Variants in KALRN observed in about 807,000 individuals in gnomAD.
The protein encoded by KALRN is kalirin RhoGEF kinase, also known as kalirin.
In KALRN, 70 loss-of-function variants were observed where a neutral mutation model predicts 353.7. The observed-to-expected ratio is 0.20, with a 90% confidence interval of 0.16 to 0.24. KALRN has a LOEUF of 0.24. Ranked by LOEUF, KALRN falls within the 10% of genes least tolerant of loss-of-function variation. The pLI is 1.00. For synonymous variants in KALRN, 1,391 were observed against 1,434.8 expected, an observed-to-expected ratio of 0.97 and a Z score of 0.69; for missense variants, 2,791 against 3,756.7, an observed-to-expected ratio of 0.74 and a Z score of 6.72.
intron 1 of KALRN, among the ~76,000 whole-genome samples, chr3:124,148,262 T>C (rs978000117): frequency 1.3e-5 from 2 of 152,186 alleles, no homozygotes; most frequent in Non-Finnish European, 2.9e-5. Context: ...TTCAGTTTCT[T>C]GTTTCTGAGA....
At chr3:124,123,381 T>C (rs1432352824) in intron 1 of KALRN, among the ~76,000 whole-genome samples, 1 of 152,216 alleles carries the variant, frequency 6.6e-6, no homozygotes, top group East Asian at 1.9e-4. Flanking sequence ...GAAGATCAAG[T>C]CAGCAACAAC....
chr3:124,218,679 T>G (rs1054687722), intron 1 of KALRN, among the ~76,000 whole-genome samples: 1 of 152,198 alleles, frequency 6.6e-6, no homozygotes, highest in Non-Finnish European at 1.5e-5. Context: ...CTTGTGTCTG[T>G]GCTATACTCA....
intron 1 of KALRN, among the ~76,000 whole-genome samples, chr3:124,065,210 G>A (rs536439663): frequency 1.1e-4 from 16 of 152,318 alleles, no homozygotes; most frequent in Middle Eastern, 3.4e-3. Context: ...ATATAGCATC[G>A]TGATGATAGG....
intron 1 of KALRN, among the ~76,000 whole-genome samples, chr3:124,120,736 A>ACATATATATATATATATATATG (rs2063911288): frequency 1.4e-5 from 2 of 144,392 alleles, no homozygotes; most frequent in African/African-American, 5.3e-5. Context: ...ATATATATAT[A>ACATATATATATATATATATATG]TATATATATT....
intron 1 of KALRN, among the ~76,000 whole-genome samples, chr3:124,098,154 G>A (rs963357852): frequency 2.0e-5 from 3 of 152,188 alleles, no homozygotes; most frequent in African/African-American, 7.2e-5. Context: ...TTTATTCACA[G>A]AGCATCAGGC....
At chr3:124,665,574 C>T (rs1299463166) in intron 45 of KALRN, among the ~76,000 whole-genome samples, 1 of 152,180 alleles carries the variant, frequency 6.6e-6, no homozygotes, top group Non-Finnish European at 1.5e-5. Context: ...AAGTGATCCT[C>T]GTGCCTCAGC....
chr3:124,289,193 T>C (rs190296083), intron 5 of KALRN, among the ~76,000 whole-genome samples: 229 of 152,236 alleles, frequency 1.5e-3, no homozygotes, highest in Non-Finnish European at 2.6e-3. Context: ...GGGGTCCCAC[T>C]TTGATGACCT....
chr3:124,073,093 C>T (rs2060094225), intron 1 of KALRN, among the ~76,000 whole-genome samples: 1 of 152,224 alleles, frequency 6.6e-6, no homozygotes, highest in Admixed American at 6.5e-5. Context: ...GAACTGAGCA[C>T]TCCAGGGTCC....
intron 51 of KALRN, among the ~76,000 whole-genome samples, chr3:124,688,405 A>C (rs1180600867): frequency 1.3e-5 from 2 of 152,050 alleles, no homozygotes; most frequent in Non-Finnish European, 2.9e-5. Flanking sequence ...CGAAGGGTTA[A>C]ACCTTCAAAC....
intron 14 of KALRN, among the ~76,000 whole-genome samples, chr3:124,419,814 A>C (rs2092695045): frequency 6.6e-6 from 1 of 152,258 alleles, no homozygotes; most frequent in Non-Finnish European, 1.5e-5. Flanking sequence ...TCACAAATAC[A>C]TTCCGCTACT....
At chr3:124,148,442 CA>C (rs2067655845) in intron 1 of KALRN, among the ~76,000 whole-genome samples, 1 of 152,140 alleles carries the variant, frequency 6.6e-6, no homozygotes. Flanking sequence ...CATAGGCAGC[CA>C]GGTATGAAAC....
rs552507118 is a variant in KALRN, at chr3:124,274,207, C to T, written c.969+4952C>T. Among the ~76,000 whole-genome samples the T allele has an allele frequency of 2.0e-4, 31 of 152,324 alleles. 1 individual carries two copies. In the South Asian group the frequency reaches 5.0e-3, roughly 24 times the overall value. The stretch of plus-strand genomic sequence containing the variant: ...ACTAGAAGCAGCCGTGAAGTCCACA[C>T]GTCTACCTCCCACACACCGTAGAAA... On this transcript the variant is annotated intron_variant, in intron 5 of 59. Coordinates refer to ENST00000682506, the MANE Select transcript of KALRN (RefSeq NM_001388419.1).
intron 3 of KALRN, among the ~76,000 whole-genome samples, chr3:124,255,505 T>C (rs75164962): frequency 0.015 from 2,288 of 152,318 alleles, 59 homozygotes; most frequent in African/African-American, 0.051. Flanking sequence ...CATGAATAAA[T>C]TAATGAACTA....
chr3:124,441,833 A>G (rs1302775950), intron 18 of KALRN, 112 bp from the exon 19 acceptor site: 13 of 86,314 alleles, frequency 1.5e-4, no homozygotes, highest in South Asian at 5.9e-4. Flanking sequence ...CTCAAAAAAG[A>G]AAAAAAAAAA....
chr3:124,543,190 G>C (rs936843795), intron 33 of KALRN, among the ~76,000 whole-genome samples: 1 of 151,938 alleles, frequency 6.6e-6, no homozygotes, highest in African/African-American at 2.4e-5. Context: ...CAACACTTCC[G>C]TCATATTCTA....
At chr3:124,321,484 A>G (rs2079331836) in intron 6 of KALRN, among the ~76,000 whole-genome samples, 1 of 152,242 alleles carries the variant, frequency 6.6e-6, no homozygotes, top group African/African-American at 2.4e-5. Flanking sequence ...GCCAGGAATC[A>G]GGTTGGAAGT....
At chr3:124,707,758 T>G (rs1228851882) in intron 57 of KALRN, among the ~76,000 whole-genome samples, 1 of 152,198 alleles carries the variant, frequency 6.6e-6, no homozygotes, top group Non-Finnish European at 1.5e-5. Context: ...GCTAAACCTC[T>G]GAGGGAATCC....
At chr3:124,103,304 C>T (rs1212347488) in intron 1 of KALRN, among the ~76,000 whole-genome samples, 1 of 152,138 alleles carries the variant, frequency 6.6e-6, no homozygotes, top group Non-Finnish European at 1.5e-5. Flanking sequence ...GTGGAGATTA[C>T]TGTGATGTGA....
At chr3:124,034,063 G>C (rs1275988028) in intron 1 of KALRN, among the ~76,000 whole-genome samples, 1 of 151,874 alleles carries the variant, frequency 6.6e-6, no homozygotes, top group Non-Finnish European at 1.5e-5. Flanking sequence ...TCTGTGTTGG[G>C]GAGGTGGGAG....
Sources: gnomAD v4.1 joint callset for allele counts (sites outside exome capture counted in the v4.1 genomes callset) on GRCh38, gnomAD v4.1.1 for gene constraint, MANE v1.5 for transcripts, NCBI Gene and HGNC (gene_info 2026-07-23, HGNC 2026-07-21) for gene names.